MAGI2: variants seen among roughly 807,000 people sequenced by gnomAD.
MAGI2 encodes membrane associated guanylate kinase, WW and PDZ domain containing 2, also known as membrane-associated guanylate kinase, WW and PDZ domain-containing protein 2.
MAGI2 carries 35 observed loss-of-function variants against 133.3 expected under a neutral mutation model. The ratio of observed to expected loss-of-function variants is 0.26; its 90% confidence interval spans 0.20 to 0.35. MAGI2 has a LOEUF of 0.35. Among genes scored for constraint, MAGI2 ranks in the 10% least tolerant of loss-of-function variants. The pLI, the probability that MAGI2 is intolerant of heterozygous loss-of-function variation, is 1.00. For synonymous variants in MAGI2, 729 were observed against 710.6 expected (o/e 1.03, Z -0.41); for missense variants, 1,636 against 1,863.4 (o/e 0.88, Z 2.25).
At chr7:78,771,802 A>G (rs947233743) in intron 2 of MAGI2, among the ~76,000 whole-genome samples, 1 of 152,252 alleles carries the variant, frequency 6.6e-6, no homozygotes, top group Non-Finnish European at 1.5e-5. Flanking sequence ...AAGTGACAAA[A>G]ACACCAAAGC....
chr7:78,699,054 C>G (rs1023936939), intron 2 of MAGI2, among the ~76,000 whole-genome samples: 9 of 152,222 alleles, frequency 5.9e-5, no homozygotes, highest in Admixed American at 5.9e-4. Context: ...AGATTGTCCA[C>G]GTGGGTGACT....
intron 1 of MAGI2, among the ~76,000 whole-genome samples, chr7:79,367,858 C>CACACACACACACACACACACAA: frequency 2.3e-5 from 2 of 87,140 alleles, no homozygotes; most frequent in South Asian, 4.2e-4. Flanking sequence ...ATATATGTGA[C>CACACACACACACACACACACAA]ATATATATAT....
intron 1 of MAGI2, among the ~76,000 whole-genome samples, chr7:79,205,749 G>A (rs981916066): frequency 1.4e-5 from 2 of 144,506 alleles, no homozygotes; most frequent in African/African-American, 5.8e-5. Flanking sequence ...GAGGAAAAAT[G>A]TAGAGGGGTG....
chr7:78,390,229 TATCATGTTTTCAGGA>T (rs888048174), intron 6 of MAGI2, among the ~76,000 whole-genome samples: 6 of 152,208 alleles, frequency 3.9e-5, no homozygotes, highest in African/African-American at 1.4e-4. Flanking sequence ...AAGTGCCCAA[TATCATGTTTTCAGGA>T]AAATACATAC....
intron 3 of MAGI2, among the ~76,000 whole-genome samples, chr7:78,528,267 CAGAGA>C (rs1797153974): frequency 6.6e-6 from 1 of 152,120 alleles, no homozygotes; most frequent in Non-Finnish European, 1.5e-5. Context: ...TGACGTTAAA[CAGAGA>C]AAAGATTTAG....
At position 79,135,642 on chromosome 7, in the gene MAGI2, C is replaced by T. The variant is rs557131105; in HGVS notation, c.302-128436G>A. Among the ~76,000 whole-genome samples the T allele has an allele frequency of 1.9e-3, 283 of 152,134 alleles. 1 individual carries two copies. Among genetic ancestry groups the T allele is most frequent in the African/African-American group, 6.6e-3 (272 of 41,510 alleles). ...TCCTCCATCTGAAAAACAATCTTTA[C>T]AAAAAGGCTTTGGGCAGGGCACTGT... On this transcript the variant is annotated intron_variant, in intron 1 of 21. Coordinates refer to ENST00000354212, the MANE Select transcript of MAGI2 (RefSeq NM_012301.4).
At chr7:78,507,899 C>T (rs1795226327) in intron 4 of MAGI2, among the ~76,000 whole-genome samples, 1 of 152,212 alleles carries the variant, frequency 6.6e-6, no homozygotes, top group Non-Finnish European at 1.5e-5. Flanking sequence ...TAATTAAACA[C>T]CACAAACTGA....
intron 2 of MAGI2, among the ~76,000 whole-genome samples, chr7:78,761,153 C>T (rs1260215865): frequency 6.6e-6 from 1 of 152,154 alleles, no homozygotes; most frequent in Non-Finnish European, 1.5e-5. Context: ...CCTGTTACAC[C>T]TCATTAGCAG....
intron 6 of MAGI2, among the ~76,000 whole-genome samples, chr7:78,417,657 G>A (rs899274770): frequency 2.0e-5 from 3 of 152,138 alleles, no homozygotes; most frequent in African/African-American, 7.2e-5. Flanking sequence ...CTTAATAAGT[G>A]CTGAGTCATT....
At chr7:78,362,471 A>G (rs926041971) in intron 7 of MAGI2, among the ~76,000 whole-genome samples, 1 of 152,172 alleles carries the variant, frequency 6.6e-6, no homozygotes, top group Non-Finnish European at 1.5e-5. Context: ...GAACTATCAG[A>G]AAAGTTAAGA....
chr7:78,068,601 A>T (rs1295776031), intron 21 of MAGI2, among the ~76,000 whole-genome samples: 1 of 152,158 alleles, frequency 6.6e-6, no homozygotes, highest in Non-Finnish European at 1.5e-5. Context: ...TGCTCTAAAA[A>T]ATCAAGTCTT....
intron 3 of MAGI2, among the ~76,000 whole-genome samples, chr7:78,530,972 C>T (rs908192114): frequency 6.6e-6 from 1 of 152,038 alleles, no homozygotes; most frequent in African/African-American, 2.4e-5. Flanking sequence ...TTCAGAAGAG[C>T]CTTTGGTGCT....
chr7:78,979,255 G>A (rs1408831273), intron 2 of MAGI2, among the ~76,000 whole-genome samples: 2 of 151,712 alleles, frequency 1.3e-5, no homozygotes, highest in Non-Finnish European at 1.5e-5. Context: ...AAAGGAACCA[G>A]GACCCTTTGG....
chr7:79,374,526 G>C (rs989724351), intron 1 of MAGI2, among the ~76,000 whole-genome samples: 1 of 151,882 alleles, frequency 6.6e-6, no homozygotes, highest in African/African-American at 2.4e-5. Context: ...GTGAGAAAAT[G>C]AATTTATGCT....
intron 3 of MAGI2, among the ~76,000 whole-genome samples, chr7:78,584,010 A>C (rs1803125829): frequency 6.6e-6 from 1 of 152,244 alleles, no homozygotes; most frequent in African/African-American, 2.4e-5. Context: ...TCAGTCACTA[A>C]GCAGTTTTAT....
chr7:78,566,079 G>A (rs1005712722), intron 3 of MAGI2, among the ~76,000 whole-genome samples: 1 of 152,192 alleles, frequency 6.6e-6, no homozygotes, highest in Non-Finnish European at 1.5e-5. Flanking sequence ...TGCTTTCAAG[G>A]AGCAGGGGAA....
chr7:78,449,723 C>T (rs1345211385), intron 6 of MAGI2, among the ~76,000 whole-genome samples: 2 of 152,100 alleles, frequency 1.3e-5, no homozygotes, highest in African/African-American at 4.8e-5. Context: ...CCTAATACTT[C>T]ATTACAATGA....
chr7:78,317,995 T>C (rs567089002), intron 9 of MAGI2, among the ~76,000 whole-genome samples: 71 of 152,258 alleles, frequency 4.7e-4, no homozygotes, highest in African/African-American at 1.6e-3. Flanking sequence ...CAAAGGTAGA[T>C]AAATCCATGA....
At chr7:79,020,533 G>A (rs1424059719) in intron 1 of MAGI2, among the ~76,000 whole-genome samples, 1 of 152,118 alleles carries the variant, frequency 6.6e-6, no homozygotes, top group Non-Finnish European at 1.5e-5. Flanking sequence ...TTGTGAGGCG[G>A]AGGCGGGCTG....
Sources: allele counts gnomAD v4.1 joint callset (sites outside exome capture counted in the v4.1 genomes callset), GRCh38; gene constraint gnomAD v4.1.1; transcripts MANE v1.5; gene names NCBI Gene and HGNC (gene_info 2026-07-23, HGNC 2026-07-21).